Variants in PTPN11 observed in about 807,000 individuals in gnomAD.
PTPN11 encodes the protein protein tyrosine phosphatase non-receptor type 11.
PTPN11 carries 6 observed loss-of-function variants against 78.8 expected under a neutral mutation model. The observed-to-expected ratio is 0.08, with a 90% CI of 0.04 to 0.15. The LOEUF is 0.15. PTPN11 is among the 10% of genes least tolerant of loss of function. The pLI is 1.00. For missense variants in PTPN11, 386 were observed against 744.8 expected (o/e 0.52, Z 5.61); for synonymous variants, 221 against 263.5 (o/e 0.84, Z 1.56).
chr12:112,425,884 A>G (rs2037608981), intron 1 of PTPN11, among the ~76,000 whole-genome samples: 1 of 152,086 alleles, frequency 6.6e-6, no homozygotes, highest in Non-Finnish European at 1.5e-5. Flanking sequence ...GTGCACCACC[A>G]CATTCAGCTA....
At chr12:112,424,300 T>C (rs1304277895) in intron 1 of PTPN11, among the ~76,000 whole-genome samples, 8 of 151,822 alleles carry the variant, frequency 5.3e-5, no homozygotes, top group African/African-American at 1.9e-4. Context: ...GCTGGGAAGG[T>C]GGGAGGTAGG....
At chr12:112,492,731 A>G (rs537500315) in intron 13 of PTPN11, among the ~76,000 whole-genome samples, 5 of 152,032 alleles carry the variant, frequency 3.3e-5, no homozygotes, top group East Asian at 1.9e-4. Context: ...GTTAGCCAGG[A>G]TGGTCTTGAT....
chr12:112,423,272 T>C (rs1566152520), intron 1 of PTPN11, among the ~76,000 whole-genome samples: 1 of 152,144 alleles, frequency 6.6e-6, no homozygotes, highest in South Asian at 2.1e-4. Flanking sequence ...ATAAAGCTAG[T>C]ACCAAAATGA....
At position 112,472,794 on chromosome 12, in the gene PTPN11, C is replaced by A. The variant is rs1452211263; in HGVS notation, c.757-150C>A. 2.3e-5 allele frequency: 18 copies of A among 774,446 alleles called. No individual in the cohort carries two copies. The Admixed American group carries it at 3.4e-4, about 15-fold the overall frequency. 48.0% of individuals were successfully genotyped at this position (774,446 alleles called of 1,614,324 possible). A position where few individuals can be genotyped will look rare whatever the true frequency, so the allele number is the denominator to read the frequency against. On this transcript the variant is annotated intron_variant, in intron 6 of 15. Transcript: ENST00000351677. ...GGGATTACAGGTGTAAGCCATCACGCCTGACCCAGATGAACATTCTTGTAG... is the reference window on the plus strand; with the variant it reads ...GGGATTACAGGTGTAAGCCATCACGACTGACCCAGATGAACATTCTTGTAG...
At chr12:112,441,114 G>A (rs535161907) in intron 1 of PTPN11, among the ~76,000 whole-genome samples, 1 of 151,788 alleles carries the variant, frequency 6.6e-6, no homozygotes, top group African/African-American at 2.4e-5. Flanking sequence ...ACAGGCATGC[G>A]CCACCATGCC....
At position 112,450,012 on chromosome 12, in the gene PTPN11, C is replaced by T. The variant is rs546439292; in HGVS notation, c.138-306C>T. ...CCTGGATTTATAATGTATGTAAATC[C>T]ACCGCGAAGGTTGCGGTGAACCGAG... On this transcript the variant is annotated intron_variant, in intron 2 of 15. Transcript: ENST00000351677. 1.1e-3 allele frequency among the ~76,000 whole-genome samples: 163 copies of T among 151,364 alleles called. 1 individual carries two copies. Among genetic ancestry groups the T allele is most frequent in the Non-Finnish European group, 1.9e-3 (128 of 67,886 alleles).
At chr12:112,439,483 A>ATTT (rs1404183834) in intron 1 of PTPN11, among the ~76,000 whole-genome samples, 1 of 151,058 alleles carries the variant, frequency 6.6e-6, no homozygotes. Flanking sequence ...TATTATTATT[A>ATTT]TTTGAGACGG....
chr12:112,475,564 A>G (rs558558767), intron 7 of PTPN11, among the ~76,000 whole-genome samples: 4 of 152,202 alleles, frequency 2.6e-5, no homozygotes, highest in South Asian at 2.1e-4. Flanking sequence ...TATGCATACT[A>G]TATTTATCCA....
chr12:112,472,304 G>A (rs145431903), intron 6 of PTPN11, among the ~76,000 whole-genome samples: 4 of 152,204 alleles, frequency 2.6e-5, no homozygotes, highest in African/African-American at 4.8e-5. Flanking sequence ...TCTTTTGTAC[G>A]TAGGTGAATG....
At position 112,502,164 on chromosome 12, in the gene PTPN11, C is replaced by A; in HGVS notation, c.1620C>A (p.His540Gln). 6.2e-7 allele frequency: 1 copy of A among 1,613,464 alleles called. No homozygotes were observed. Among genetic ancestry groups the A allele is most frequent in the Non-Finnish European group, 8.5e-7 (1 of 1,179,554 alleles). Reference protein sequence around the residue: ...EEEQKSKRKGHEYTNIKYSLA... With the variant: ...EEEQKSKRKGQEYTNIKYSLA... ...TTCAGAAAAGCAAGAGGAAAGGGCA[C>A]GAATATACAAATATTAAGTATTCTC... Residue 540 changes from histidine (H) to glutamine (Q), a missense_variant, in exon 14 of 16, where the codon CAC (histidine) becomes CAA (glutamine). Transcript: ENST00000351677.
At chr12:112,495,523 G>A (rs1328730472) in intron 13 of PTPN11, among the ~76,000 whole-genome samples, 1 of 152,152 alleles carries the variant, frequency 6.6e-6, no homozygotes, top group Non-Finnish European at 1.5e-5. Flanking sequence ...GGAGGTAAAT[G>A]TTATCAACAT....
chr12:112,419,847 C>A (rs1157944378), intron 1 of PTPN11, among the ~76,000 whole-genome samples: 2 of 152,142 alleles, frequency 1.3e-5, no homozygotes, highest in African/African-American at 4.8e-5. Flanking sequence ...GAAACCGAGG[C>A]CCAGAAGCAA....
intron 13 of PTPN11, 137 bp downstream of exon 13, chr12:112,489,312 A>C: frequency 9.7e-7 from 1 of 1,032,702 alleles, no homozygotes; most frequent in Non-Finnish European, 1.5e-6. Context: ...CCCAACTAAA[A>C]GGGCCTCTGG....
intron 6 of PTPN11, 130 bp from the exon 7 acceptor site, chr12:112,472,814 T>C: frequency 1.2e-6 from 1 of 837,290 alleles, no homozygotes; most frequent in African/African-American, 1.7e-5. Context: ...ATGAACATTC[T>C]TGTAGCTATC....
Position 112,447,504 on chromosome 12 carries a change from A to AT in PTPN11, c.137+1118dup, listed in dbSNP as rs954432426. On this transcript the variant is annotated intron_variant, in intron 2 of 15. Coordinates refer to ENST00000351677, the MANE Select transcript of PTPN11 (RefSeq NM_002834.5). ...GCTCCATGCTGATTGATAACGATCT[A>AT]TTTTTTTTTTTTGAGATGGAGTTTC... Among the ~76,000 whole-genome samples the AT allele has an allele frequency of 1.9e-3, 269 of 145,208 alleles. 1 individual carries two copies. The highest frequency in any genetic ancestry group is 4.8e-3 in the African/African-American group (191 of 39,640).
chr12:112,440,651 G>A (rs1237609110), intron 1 of PTPN11, among the ~76,000 whole-genome samples: 3 of 132,862 alleles, frequency 2.3e-5, no homozygotes, highest in Non-Finnish European at 3.1e-5. Flanking sequence ...TCAGCTTATT[G>A]CAACCTCCGC....
chr12:112,440,965 C>CTTTTTTTT, intron 1 of PTPN11, among the ~76,000 whole-genome samples: 1 of 131,556 alleles, frequency 7.6e-6, no homozygotes, highest in Non-Finnish European at 1.7e-5. Flanking sequence ...CTTTTCTTTT[C>CTTTTTTTT]TTTTTTTTTT....
At chr12:112,450,195 T>A (rs779149079) in intron 2 of PTPN11, 123 bp from the exon 3 acceptor site, 14 of 846,556 alleles carry the variant, frequency 1.7e-5, no homozygotes, top group Middle Eastern at 2.3e-4. Context: ...AGGGAATAGG[T>A]AAATTCGTTC....
intron 1 of PTPN11, among the ~76,000 whole-genome samples, chr12:112,442,828 TTTTATATATATATA>T (rs2037916520): frequency 3.6e-5 from 2 of 54,988 alleles, no homozygotes; most frequent in African/African-American, 1.5e-4. Flanking sequence ...CTCTCTCTCT[TTTTATATATATATA>T]TATATATATA....
Sources: allele counts gnomAD v4.1 joint callset (sites outside exome capture counted in the v4.1 genomes callset), GRCh38; gene constraint gnomAD v4.1.1; transcripts MANE v1.5; gene names NCBI Gene and HGNC (gene_info 2026-07-23, HGNC 2026-07-21).